CS: variants seen among roughly 807,000 people sequenced by gnomAD.
CS encodes citrate synthase.
A neutral mutation model predicts 61.4 loss-of-function variants in CS; 13 were observed. The ratio of observed to expected loss-of-function variants is 0.21; its 90% CI spans 0.14 to 0.34. CS has a LOEUF of 0.34. Among genes scored for constraint, CS ranks in the 10% least tolerant of loss-of-function variants. The pLI, the probability that CS is intolerant of heterozygous loss-of-function variation, is 1.00. For synonymous variants in CS, 159 were observed against 215.2 expected (o/e 0.74, Z 2.29); for missense variants, 278 against 573.4 (o/e 0.48, Z 5.26).
At chr12:56,299,958 G>GGGTGGCTAAATAGGTGCCTGA in intron 1 of CS, 1 of 520,196 alleles carries the variant, frequency 1.9e-6, no homozygotes, top group Non-Finnish European at 3.4e-6. Context: ...GGCGGGCGGC[G>GGGTGGCTAAATAGGTGCCTGA]TGCACTTCAC....
intron 9 of CS, chr12:56,273,997 CT>C (rs35366727): frequency 0.16 from 59,356 of 367,118 alleles, 4 homozygotes; most frequent in South Asian, 0.22. Flanking sequence ...ACACATCTGG[CT>C]TTTTTTTTTT....
At chr12:56,280,137 C>A (rs1355567060) in intron 6 of CS, among the ~76,000 whole-genome samples, 1 of 152,022 alleles carries the variant, frequency 6.6e-6, no homozygotes, top group Non-Finnish European at 1.5e-5. Context: ...AAGACAAGGC[C>A]AGGCGTGGTG....
At chr12:56,282,720 A>G (rs1481451735) in intron 5 of CS, 112 bp from the exon 6 acceptor site, 1 of 1,527,126 alleles carries the variant, frequency 6.5e-7, no homozygotes, top group Non-Finnish European at 8.9e-7. Context: ...AACCCAATCC[A>G]TTTATACAGC....
At chr12:56,276,303 G>T in intron 6 of CS, 108 bp from the exon 7 acceptor site, 1 of 954,896 alleles carries the variant, frequency 1.0e-6, no homozygotes, top group Non-Finnish European at 1.6e-6. Flanking sequence ...TGGGTTGATG[G>T]TTAGTTATAT....
rs1397147541 is a variant in CS, at chr12:56,293,290, A to G, written c.43-6645T>C. 5.3e-5 allele frequency among the ~76,000 whole-genome samples: 8 copies of G among 152,272 alleles called. No homozygotes were observed. In the East Asian group the frequency reaches 1.5e-3, roughly 29 times the overall value. On this transcript the variant is annotated intron_variant, in intron 1 of 10. Coordinates refer to ENST00000351328, the MANE Select transcript of CS (RefSeq NM_004077.3). ...CTCTCTGTCCTTCTGCATATCCAGG[A>G]TATGTCCTACCACATATCCACATAA...
intron 1 of CS, among the ~76,000 whole-genome samples, chr12:56,296,102 C>T (rs1873297701): frequency 6.6e-6 from 1 of 151,746 alleles, no homozygotes; most frequent in Non-Finnish European, 1.5e-5. Flanking sequence ...GCAACATAAG[C>T]AAGCATTACA....
chr12:56,295,461 C>A (rs1873268359), intron 1 of CS, among the ~76,000 whole-genome samples: 1 of 151,284 alleles, frequency 6.6e-6, no homozygotes, highest in African/African-American at 2.4e-5. Flanking sequence ...GCAGAGGTTG[C>A]AGTGAGCCGA....
chr12:56,295,501 A>T (rs1243633751), intron 1 of CS, among the ~76,000 whole-genome samples: 1 of 151,926 alleles, frequency 6.6e-6, no homozygotes, highest in African/African-American at 2.4e-5. Context: ...AGCCTGGGTG[A>T]CAGAGCGAGA....
Position 56,275,853 on chromosome 12 carries a change from G to A in CS, c.788+143C>T, listed in dbSNP as rs895267031. ...ACCTTGCTTACTAGACCCCTTTCTT[G>A]CCTTGGATCATCCTTTATGCCACGT... On this transcript the variant is annotated intron_variant, in intron 7 of 10. Coordinates refer to ENST00000351328, the MANE Select transcript of CS (RefSeq NM_004077.3). 2.0e-5 allele frequency: 14 copies of A among 713,452 alleles called. No individual in the cohort carries two copies. The Admixed American group carries it at 3.6e-4, about 19-fold the overall frequency. 44.2% of individuals were successfully genotyped at this position (713,452 alleles called of 1,614,324 possible).
intron 5 of CS, 111 bp from the exon 6 acceptor site, chr12:56,282,719 C>A (rs969763586): frequency 5.8e-5 from 88 of 1,522,350 alleles, no homozygotes; most frequent in Non-Finnish European, 7.7e-5. Context: ...CAACCCAATC[C>A]ATTTATACAG....
At chr12:56,291,128 T>C (rs703831) in intron 1 of CS, 11,600 of 590,466 alleles carry the variant, frequency 0.02, 163 homozygotes, top group Admixed American at 0.024. Flanking sequence ...CTAAATAAAA[T>C]AATTTTCATA....
At chr12:56,275,755 G>T in intron 7 of CS, 1 of 549,444 alleles carries the variant, frequency 1.8e-6, no homozygotes, top group Admixed American at 3.1e-5. Flanking sequence ...AATGTGAGCA[G>T]CTAGTACCTT....
At position 56,283,821 on chromosome 12, in the gene CS, A is replaced by G; in HGVS notation, c.238T>C (p.Tyr80His). 6.2e-7 allele frequency: 1 copy of G among 1,613,344 alleles called. No homozygotes were observed. Among genetic ancestry groups the G allele is most frequent in the Non-Finnish European group, 8.5e-7 (1 of 1,179,360 alleles). ...GGMRGMKGLV[Y>H]ETSVLDPDEG... Reference sequence around the variant, plus strand: ...TCAGGATCAAGAACTGATGTTTCATAGACCAATCCCTTCATGCCTCTCATG... The same window carrying G: ...TCAGGATCAAGAACTGATGTTTCATGGACCAATCCCTTCATGCCTCTCATG... Residue 80 changes from tyrosine to histidine, a missense_variant, in exon 4 of 11, where the codon TAT becomes CAT. Tyr to His is a moderately conservative substitution (Grantham distance 83, BLOSUM62 2). Coordinates refer to ENST00000351328, the MANE Select transcript of CS (RefSeq NM_004077.3).
At chr12:56,286,420 ATTAT>A in intron 2 of CS, 171 bp downstream of exon 2, 1 of 578,988 alleles carries the variant, frequency 1.7e-6, no homozygotes, top group Non-Finnish European at 3.1e-6. Context: ...CACTGAGTAA[ATTAT>A]TTGTTAAATA....
At chr12:56,288,347 T>A (rs1415144382) in intron 1 of CS, among the ~76,000 whole-genome samples, 1 of 112,376 alleles carries the variant, frequency 8.9e-6, no homozygotes, top group Non-Finnish European at 1.9e-5. Context: ...CTTTTTAGAA[T>A]TTTTTTTTTT....
intron 1 of CS, among the ~76,000 whole-genome samples, chr12:56,288,097 A>T (rs1872999095): frequency 6.6e-6 from 1 of 152,246 alleles, no homozygotes; most frequent in Non-Finnish European, 1.5e-5. Flanking sequence ...CTGCTCTATA[A>T]AATGGCTCTA....
At chr12:56,295,817 G>A (rs1873282783) in intron 1 of CS, among the ~76,000 whole-genome samples, 4 of 151,444 alleles carry the variant, frequency 2.6e-5, no homozygotes. Context: ...AGCGGGGCGA[G>A]GTGGTGGGCG....
At position 56,300,198 on chromosome 12, in the gene CS, C is replaced by G; in HGVS notation, c.4G>C (p.Ala2Pro). The G allele has an allele frequency of 1.9e-6, 3 of 1,568,432 alleles. No homozygotes were observed. Among genetic ancestry groups the G allele is most frequent in the Non-Finnish European group, 2.6e-6 (3 of 1,158,738 alleles). The change falls in exon 1 of 11, where the codon GCT becomes CCT. Residue 2 changes from alanine to proline, a missense_variant. This residue lies in a region of CS where 55 missense variants were observed against 69.9 expected (regional missense o/e 0.79). Transcript: ENST00000351328. M[A>P]LLTAAARLLG... is the part of the protein sequence containing the mutation. ...AGCCGGGCGGCCGCAGTAAGTAAAGCCATGGCGGGCGATCTCCGGGATCTG... is the reference window on the plus strand; with the variant it reads ...AGCCGGGCGGCCGCAGTAAGTAAAGGCATGGCGGGCGATCTCCGGGATCTG...
intron 1 of CS, among the ~76,000 whole-genome samples, chr12:56,296,259 G>A (rs542773433): frequency 6.6e-6 from 1 of 152,164 alleles, no homozygotes; most frequent in South Asian, 2.1e-4. Context: ...CCAGGAGTTC[G>A]AAACCAGCCT....
Sources: allele counts gnomAD v4.1 joint callset (sites outside exome capture counted in the v4.1 genomes callset), GRCh38; gene constraint gnomAD v4.1.1; regional missense constraint gnomAD v4.1.1; transcripts MANE v1.5; gene names NCBI Gene and HGNC (gene_info 2026-07-23, HGNC 2026-07-21).